Variants in GNA11 observed in about 807,000 individuals in gnomAD.
GNA11 encodes the protein G protein subunit alpha 11.
A neutral mutation model predicts 38.2 loss-of-function variants in GNA11; 8 were observed. That is an observed-to-expected ratio of 0.21 (90% CI 0.12 to 0.38). GNA11 has a LOEUF of 0.38. GNA11 is among the 10% of genes least tolerant of loss of function. The pLI is 1.00. For synonymous variants in GNA11, 211 were observed against 221.4 expected (o/e 0.95, Z 0.42); for missense variants, 268 against 516.3 (o/e 0.52, Z 4.66).
chr19:3,099,765 C>T (rs537306916), intron 1 of GNA11, among the ~76,000 whole-genome samples: 17 of 152,346 alleles, frequency 1.1e-4, no homozygotes, highest in Admixed American at 2.0e-4. Context: ...GCCTGGCCTC[C>T]CGCAGTCTGC....
In GNA11 at chr19:3,105,744, G is replaced by A. The variant is rs550100263; in HGVS notation, c.137-4405G>A. On this transcript the variant is annotated intron_variant, in intron 1 of 6. Transcript: ENST00000078429. ...CAGTGGTCCATTCCTGCCCAGCGCC[G>A]AGCAGCGGTCTGTGCGTGGGGTCTT... Among the ~76,000 whole-genome samples the A allele has an allele frequency of 5.3e-4, 80 of 152,314 alleles. 4 individuals carry two copies. The South Asian group carries it at 0.015, about 28-fold the overall frequency.
At chr19:3,107,703 T>C (rs1913672094) in intron 1 of GNA11, among the ~76,000 whole-genome samples, 1 of 151,894 alleles carries the variant, frequency 6.6e-6, no homozygotes, top group African/African-American at 2.4e-5. Context: ...ACATCTGTGG[T>C]GGTCACAATT....
rs1914055247 is a variant in GNA11 at position 3,120,902 on chromosome 19, C to G, written c.890-87C>G. The G allele has an allele frequency of 9.9e-7, 1 of 1,010,870 alleles. No homozygotes were observed. Among genetic ancestry groups the G allele is most frequent in the Non-Finnish European group, 1.5e-6 (1 of 678,400 alleles). 62.6% of individuals were successfully genotyped at this position (1,010,870 alleles called of 1,614,324 possible). ...CTGGGTGGGCCGTGGGCCTTACTCG[C>G]TCATCCCCTGGGAGTGACAAAGGGG... On this transcript the variant is annotated intron_variant, in intron 6 of 6. Coordinates refer to ENST00000078429, the MANE Select transcript of GNA11 (RefSeq NM_002067.5). The surrounding 1 kb of genome is among the most constrained non-coding windows in gnomAD (Gnocchi z 5.9).
chr19:3,122,952 C>T lies in GNA11; in HGVS notation c.*1773C>T, dbSNP rs557464768. On this transcript the variant is annotated 3_prime_UTR_variant, in exon 7 of 7. Coordinates refer to ENST00000078429, the MANE Select transcript of GNA11 (RefSeq NM_002067.5). The surrounding 1 kb of genome is among the most constrained non-coding windows in gnomAD (Gnocchi z 7.7). ...GACGGGGCTGGCGGGATACCCCCCC[C>T]CCGGCTTCCCCACACCACTTCTGTC... 12 of 233,450 alleles carry T rather than the reference C, an allele frequency of 5.1e-5. No individual in the cohort carries two copies. Among genetic ancestry groups the T allele is most frequent in the African/African-American group, 8.8e-5 (4 of 45,358 alleles). 14.5% of individuals were successfully genotyped at this position (233,450 alleles called of 1,614,324 possible). A position where few individuals can be genotyped will look rare whatever the true frequency, so the allele number is the denominator to read the frequency against.
intron 1 of GNA11, among the ~76,000 whole-genome samples, chr19:3,098,638 C>T (rs1002532657): frequency 1.5e-4 from 23 of 152,360 alleles, no homozygotes; most frequent in African/African-American, 4.3e-4. Context: ...CCAGCCCCCA[C>T]GGGGCAGTGA....
chr19:3,100,051 C>T (rs1194205438), intron 1 of GNA11, among the ~76,000 whole-genome samples: 3 of 152,192 alleles, frequency 2.0e-5, no homozygotes, highest in African/African-American at 4.8e-5. Flanking sequence ...TATCTTGTCG[C>T]GTCCACAGCA....
intron 1 of GNA11, among the ~76,000 whole-genome samples, chr19:3,100,954 G>A (rs903715833): frequency 2.0e-5 from 3 of 152,214 alleles, no homozygotes; most frequent in Non-Finnish European, 4.4e-5. Context: ...AACCCTGGGC[G>A]GTGGTGCTCC....
At position 3,094,912 on chromosome 19, in the gene GNA11, T is replaced by G. The variant is rs1265882596; in HGVS notation, c.136+125T>G. 1 of 616,422 alleles carries G rather than the reference T, an allele frequency of 1.6e-6. No individual in the cohort carries two copies. The highest frequency in any genetic ancestry group is 4.5e-5 in the Admixed American group (1 of 22,292). 38.2% of individuals were successfully genotyped at this position (616,422 alleles called of 1,614,324 possible). On this transcript the variant is annotated intron_variant, in intron 1 of 6. Coordinates refer to ENST00000078429, the MANE Select transcript of GNA11 (RefSeq NM_002067.5). The surrounding 1 kb of genome is among the most constrained non-coding windows in gnomAD (Gnocchi z 6.0). ...CTGTGCCGTCCGGGTCGCGAGACCC[T>G]CCGGGGTCAGCCCTGCCTGTGCCTT...
rs1336430451 is a variant in GNA11, at chr19:3,106,750, A to G, written c.137-3399A>G. ...TGTGTGCTGATGTACATGCATGCATACATGTATGTGTGGGTGTGCACGTGT... is the reference window on the plus strand; with the variant it reads ...TGTGTGCTGATGTACATGCATGCATGCATGTATGTGTGGGTGTGCACGTGT... On this transcript the variant is annotated intron_variant, in intron 1 of 6. Transcript: ENST00000078429. 2.7e-5 allele frequency among the ~76,000 whole-genome samples: 4 copies of G among 150,696 alleles called. No individual in the cohort carries two copies. In the East Asian group the frequency reaches 5.8e-4, roughly 22 times the overall value.
At chr19:3,099,071 C>G (rs546293036) in intron 1 of GNA11, among the ~76,000 whole-genome samples, 1 of 152,176 alleles carries the variant, frequency 6.6e-6, no homozygotes, top group South Asian at 2.1e-4. Flanking sequence ...GATTTAACCA[C>G]GAGAGGTTTC....
At chr19:3,103,878 GGTTTCACCGT>G (rs1913569891) in intron 1 of GNA11, among the ~76,000 whole-genome samples, 1 of 151,902 alleles carries the variant, frequency 6.6e-6, no homozygotes, top group Non-Finnish European at 1.5e-5. Flanking sequence ...GTGGAGACGC[GGTTTCACCGT>G]GTTAGCCAGG....
intron 1 of GNA11, among the ~76,000 whole-genome samples, chr19:3,104,172 C>A (rs556945362): frequency 3.9e-5 from 6 of 152,406 alleles, no homozygotes; most frequent in African/African-American, 1.4e-4. Flanking sequence ...GGGCTGCGCC[C>A]TCTTGTGGCG....
intron 1 of GNA11, among the ~76,000 whole-genome samples, chr19:3,102,774 G>A (rs561836402): frequency 5.3e-5 from 8 of 152,298 alleles, no homozygotes; most frequent in African/African-American, 1.4e-4. Context: ...GCCCCTCCTC[G>A]GGCCCCTGCG....
At position 3,119,814 on chromosome 19, in the gene GNA11, C is replaced by T. The variant is rs377440102; in HGVS notation, c.889+455C>T. Among the ~76,000 whole-genome samples, 11 of 152,028 alleles carry T rather than the reference C, an allele frequency of 7.2e-5. No individual in the cohort carries two copies. The highest frequency in any genetic ancestry group is 2.1e-4 in the South Asian group (1 of 4,808). On this transcript the variant is annotated intron_variant, in intron 6 of 6. Coordinates refer to ENST00000078429, the MANE Select transcript of GNA11 (RefSeq NM_002067.5). The surrounding 1 kb of genome is among the most constrained non-coding windows in gnomAD (Gnocchi z 4.6). ...TTCACGCACACTGCCAGCGCAGCCCCGTGGGGACCTTGGTGGTAGTCCCTG... is the reference window on the plus strand; with the variant it reads ...TTCACGCACACTGCCAGCGCAGCCCTGTGGGGACCTTGGTGGTAGTCCCTG...
chr19:3,103,436 C>G, intron 1 of GNA11, among the ~76,000 whole-genome samples: 1 of 149,566 alleles, frequency 6.7e-6, no homozygotes, highest in Non-Finnish European at 1.5e-5. Context: ...TGGTCTCCAA[C>G]TTCTGACCTC....
intron 3 of GNA11, among the ~76,000 whole-genome samples, chr19:3,113,897 TCCCACTA>T (rs1231627044): frequency 2.6e-5 from 4 of 152,132 alleles, no homozygotes; most frequent in African/African-American, 9.7e-5. Context: ...GAGCCACGTC[TCCCACTA>T]GTGACTGGCT....
chr19:3,112,723 G>A (rs557846298), intron 2 of GNA11, among the ~76,000 whole-genome samples: 2 of 152,358 alleles, frequency 1.3e-5, no homozygotes, highest in East Asian at 1.9e-4. Context: ...GCGGCAGCTC[G>A]GGGGCCACAC....
intron 1 of GNA11, among the ~76,000 whole-genome samples, chr19:3,097,714 C>T (rs1256627938): frequency 6.6e-6 from 1 of 152,230 alleles, no homozygotes; most frequent in African/African-American, 2.4e-5. Context: ...CTCCGGCTGC[C>T]GTGCCGCCTC....
chr19:3,095,298 C>A (rs1251461621), intron 1 of GNA11, among the ~76,000 whole-genome samples: 1 of 152,114 alleles, frequency 6.6e-6, no homozygotes, highest in African/African-American at 2.4e-5. Context: ...CAGGATTTGC[C>A]CTCTGTTCCT....
Sources: allele counts gnomAD v4.1 joint callset (sites outside exome capture counted in the v4.1 genomes callset), GRCh38; gene constraint gnomAD v4.1.1; non-coding constraint Gnocchi (gnomAD v3.1); transcripts MANE v1.5; gene names NCBI Gene and HGNC (gene_info 2026-07-23, HGNC 2026-07-21).